MASTL: variants seen among roughly 807,000 people sequenced by gnomAD.
MASTL encodes the protein microtubule associated serine/threonine kinase like.
A neutral mutation model predicts 82.5 loss-of-function variants in MASTL; 54 were observed. The ratio of observed to expected loss-of-function variants is 0.65; its 90% confidence interval spans 0.53 to 0.82. MASTL has a LOEUF of 0.82. Among genes scored for constraint, MASTL ranks in the 40% least tolerant of loss-of-function variants. The probability of loss-of-function intolerance (pLI) is 0.00; values close to 1 mark genes in which losing one functional copy is unlikely to be tolerated. For synonymous variants in MASTL, 323 were observed against 368.9 expected (o/e 0.88, Z 1.43); for missense variants, 950 against 1,047.8 (o/e 0.91, Z 1.29).
Position 27,155,432 on chromosome 10 carries a change from T to C in MASTL, c.6T>C (p.Asp2=). The part of the protein sequence containing the change: M[D]PTAGSKKEPG... ...CCGCTGTATGCTGTCCAGCGATGGA[T>C]CCCACCGCGGGAAGCAAGAAGGAGC... The change falls in exon 1 of 12, where the codon GAT becomes GAC. Residue 2 remains aspartate (D), a synonymous_variant. Coordinates refer to ENST00000375940, the MANE Select transcript of MASTL (RefSeq NM_001172303.3). 1 of 1,609,222 alleles carries C rather than the reference T, an allele frequency of 6.2e-7. No homozygotes were observed. Among genetic ancestry groups the C allele is most frequent in the African/African-American group, 1.3e-5 (1 of 74,874 alleles).
At chr10:27,175,685 C>T (rs2058081532) in intron 9 of MASTL, among the ~76,000 whole-genome samples, 1 of 152,162 alleles carries the variant, frequency 6.6e-6, no homozygotes, top group South Asian at 2.1e-4. Flanking sequence ...AGTTTGTCAC[C>T]TCCATGTTGA....
At chr10:27,161,536 A>G (rs1047138057) in intron 4 of MASTL, among the ~76,000 whole-genome samples, 4 of 83,604 alleles carry the variant, frequency 4.8e-5, no homozygotes, top group Non-Finnish European at 1.1e-4. Context: ...ACTAAAAATA[A>G]ATATAAAAAA....
At chr10:27,176,096 C>CAA (rs111538557) in intron 9 of MASTL, among the ~76,000 whole-genome samples, 1 of 118,126 alleles carries the variant, frequency 8.5e-6, no homozygotes, top group Non-Finnish European at 1.8e-5. Flanking sequence ...GACTCCATCT[C>CAA]AAAAAAAAAA....
At chr10:27,169,235 A>G (rs1267649586) in intron 7 of MASTL, among the ~76,000 whole-genome samples, 1 of 152,138 alleles carries the variant, frequency 6.6e-6, no homozygotes, top group Non-Finnish European at 1.5e-5. Context: ...TTCATTGACT[A>G]AATTTCAAGC....
chr10:27,171,103 A>G lies in MASTL; in HGVS notation c.2124+20A>G. 2.5e-6 allele frequency: 4 copies of G among 1,608,834 alleles called. No individual in the cohort carries two copies. The highest frequency in any genetic ancestry group is 1.3e-5 in the African/African-American group (1 of 74,932). ...CATCAGGTATATTTATAACTTTCTA[A>G]TACTGTTTTTTGGATTTTAGAAAAA... On this transcript the variant is annotated intron_variant, in intron 8 of 11. Transcript: ENST00000375940.
At chr10:27,177,069 TCC>T (rs2058124665) in intron 9 of MASTL, among the ~76,000 whole-genome samples, 1 of 152,072 alleles carries the variant, frequency 6.6e-6, no homozygotes, top group Non-Finnish European at 1.5e-5. Flanking sequence ...GGTCTTGAAC[TCC>T]TGACCTTGTG....
At position 27,170,189 on chromosome 10, in the gene MASTL, T is replaced by TA. The variant is rs1564492800; in HGVS notation, c.1231dup (p.Met411AsnfsTer4). 17 of 1,614,130 alleles carry TA rather than the reference T, an allele frequency of 1.1e-5. No individual in the cohort carries two copies. Among genetic ancestry groups the TA allele is most frequent in the Non-Finnish European group, 1.4e-5 (16 of 1,180,012 alleles). ...TAGAACTGGATGTAAATAATATAAATATGGACACTGACACAAGTCAGTTAG... is the reference window on the plus strand; with the variant it reads ...TAGAACTGGATGTAAATAATATAAATAATGGACACTGACACAAGTCAGTTAG... On this transcript the variant is annotated frameshift_variant, in exon 8 of 12. Coordinates refer to ENST00000375940, the MANE Select transcript of MASTL (RefSeq NM_001172303.3). LOFTEE classifies it high-confidence loss of function.
At chr10:27,177,704 C>A in intron 9 of MASTL, 1 of 224,464 alleles carries the variant, frequency 4.5e-6, no homozygotes, top group Non-Finnish European at 7.4e-6. Flanking sequence ...TCCTTTATAT[C>A]TGGCACAATA....
Position 27,167,202 on chromosome 10 carries a change from TC to T in MASTL, c.913del (p.Gln305AsnfsTer34). 6.2e-7 allele frequency: 1 copy of T among 1,614,096 alleles called. No individual in the cohort carries two copies. Among genetic ancestry groups the T allele is most frequent in the Non-Finnish European group, 8.5e-7 (1 of 1,179,952 alleles). On this transcript the variant is annotated frameshift_variant, in exon 7 of 12. Transcript: ENST00000375940. LOFTEE classifies it high-confidence loss of function. Reference protein sequence around the residue: ...KRLATSSASSQSHTFISSVES... With the variant: ...KRLATSSASSXSHTFISSVES... ...GGCTGGCCACATCCAGTGCCAGTAG[TC>T]AATCCCACACCTTCATATCCAGTGT...
rs746524318 is a variant in MASTL at position 27,167,178 on chromosome 10, G to A, written c.888G>A (p.Arg296=). The change falls in exon 7 of 12, where the codon AGG becomes AGA. Residue 296 remains arginine, a synonymous_variant. Coordinates refer to ENST00000375940, the MANE Select transcript of MASTL (RefSeq NM_001172303.3). ...CTAATTTACTCCAGTCTAGGAAAAG[G>A]CTGGCCACATCCAGTGCCAGTAGTC... The part of the protein sequence containing the change: ...LTSNLLQSRK[R]LATSSASSQS... The A allele has an allele frequency of 6.2e-7, 1 of 1,613,888 alleles. No homozygotes were observed. The highest frequency in any genetic ancestry group is 2.2e-5 in the East Asian group (1 of 44,868).
intron 1 of MASTL, 102 bp from the exon 2 acceptor site, chr10:27,158,447 C>T: frequency 2.2e-6 from 2 of 922,100 alleles, no homozygotes; most frequent in Non-Finnish European, 3.4e-6. Flanking sequence ...ATCAAGGCTG[C>T]AATAAGCTTT....
At position 27,167,166 on chromosome 10, in the gene MASTL, G is replaced by A; in HGVS notation, c.876G>A (p.Gln292=). 3.1e-6 allele frequency: 5 copies of A among 1,614,086 alleles called. No individual in the cohort carries two copies. The highest frequency in any genetic ancestry group is 1.6e-4 in the Middle Eastern group (1 of 6,062). The part of the protein sequence containing the change: ...PVKCLTSNLL[Q]SRKRLATSSA... ...AGTGTCTAACTTCTAATTTACTCCA[G>A]TCTAGGAAAAGGCTGGCCACATCCA... Residue 292 remains glutamine (Q), a synonymous_variant, in exon 7 of 12, where the codon CAG becomes CAA. Transcript: ENST00000375940.
chr10:27,156,053 G>A (rs1172191567), intron 1 of MASTL, among the ~76,000 whole-genome samples: 1 of 152,102 alleles, frequency 6.6e-6, no homozygotes, highest in Non-Finnish European at 1.5e-5. Flanking sequence ...TTCCCAGGCT[G>A]GAGTGCAGTG....
intron 5 of MASTL, 29 bp downstream of exon 5, chr10:27,165,199 A>G: frequency 6.7e-7 from 1 of 1,484,336 alleles, no homozygotes; most frequent in Non-Finnish European, 9.4e-7. Flanking sequence ...AATTAACATG[A>G]CATACCCCTT....
intron 9 of MASTL, among the ~76,000 whole-genome samples, chr10:27,177,251 GT>G (rs2058131068): frequency 6.6e-6 from 1 of 152,268 alleles, no homozygotes; most frequent in Admixed American, 6.5e-5. Context: ...GACATATTTA[GT>G]GTTCCTCTTT....
chr10:27,160,266 C>T (rs1260240361), intron 3 of MASTL, among the ~76,000 whole-genome samples: 4 of 139,450 alleles, frequency 2.9e-5, no homozygotes, highest in African/African-American at 8.0e-5. Flanking sequence ...CAAAATGCTA[C>T]GATTACAGGC....
upstream of MASTL, chr10:27,154,706 A>T (rs186775906): frequency 5.5e-4 from 100 of 182,608 alleles, no homozygotes; most frequent in East Asian, 0.012. Context: ...AGTAGCTGGG[A>T]TTACAGGTGC....
rs1261022706 is a variant in MASTL at position 27,159,136 on chromosome 10, C to A, written c.324+450C>A. 6.6e-6 allele frequency among the ~76,000 whole-genome samples: 1 copy of A among 152,120 alleles called. No homozygotes were observed. The highest frequency in any genetic ancestry group is 1.5e-5 in the Non-Finnish European group (1 of 68,016). ...GCACCCCAGCCTGAGATAGAGTCTC[C>A]CTCTGTTGCCCAGGCTAGACTGCAG... On this transcript the variant is annotated intron_variant, in intron 2 of 11. Coordinates refer to ENST00000375940, the MANE Select transcript of MASTL (RefSeq NM_001172303.3). The surrounding 1 kb of genome is among the most constrained non-coding windows in gnomAD (Gnocchi z 4.0).
intron 4 of MASTL, among the ~76,000 whole-genome samples, chr10:27,161,516 A>C (rs540996616): frequency 1.9e-4 from 28 of 147,706 alleles, no homozygotes; most frequent in African/African-American, 6.5e-4. Flanking sequence ...CTCAAAAAAA[A>C]AAAAGTCCAA....
Sources: allele counts gnomAD v4.1 joint callset (sites outside exome capture counted in the v4.1 genomes callset), GRCh38; gene constraint gnomAD v4.1.1; non-coding constraint Gnocchi (gnomAD v3.1); transcripts MANE v1.5; gene names NCBI Gene and HGNC (gene_info 2026-07-23, HGNC 2026-07-21).